The following TBC1D12 variants were observed in gnomAD, a reference collection of about 807,000 sequenced individuals.
TBC1D12 encodes the protein TBC1 domain family, member 12.
A neutral mutation model predicts 86.7 loss-of-function variants in TBC1D12; 56 were observed. The observed-to-expected ratio is 0.65, with a 90% CI of 0.52 to 0.81. TBC1D12 has a LOEUF of 0.81. Ranked by LOEUF, TBC1D12 falls within the 30% of genes least tolerant of loss-of-function variation. The pLI is 0.00. For missense variants in TBC1D12, 1,023 were observed against 1,038.8 expected (o/e 0.98, Z 0.21); for synonymous variants, 421 against 411.7 (o/e 1.02, Z -0.27).
chr10:94,532,361 T>C (rs912098198), intron 12 of TBC1D12, among the ~76,000 whole-genome samples: 2 of 152,066 alleles, frequency 1.3e-5, no homozygotes, highest in African/African-American at 4.8e-5. Context: ...GTATTTTTAG[T>C]AGAGACGGGG....
intron 2 of TBC1D12, among the ~76,000 whole-genome samples, chr10:94,471,063 G>A (rs763967885): frequency 5.3e-5 from 8 of 152,010 alleles, no homozygotes; most frequent in African/African-American, 9.7e-5. Context: ...ATCATCTGAG[G>A]TCAGGGGTTC....
intron 2 of TBC1D12, among the ~76,000 whole-genome samples, chr10:94,443,232 C>T (rs111351486): frequency 9.1e-4 from 139 of 152,282 alleles, no homozygotes; most frequent in African/African-American, 3.2e-3. Flanking sequence ...CCTCCCTTTC[C>T]CTTTTGAAGG....
chr10:94,441,793 A>G, intron 1 of TBC1D12, 103 bp from the exon 2 acceptor site: 2 of 1,131,584 alleles, frequency 1.8e-6, no homozygotes, highest in Non-Finnish European at 2.5e-6. Flanking sequence ...TTTATTTAAA[A>G]GTATTTTTGT....
intron 9 of TBC1D12, among the ~76,000 whole-genome samples, chr10:94,516,227 A>C (rs2056589465): frequency 6.6e-6 from 1 of 152,170 alleles, no homozygotes; most frequent in Admixed American, 6.5e-5. Flanking sequence ...CAAATATATA[A>C]ATTAATTAAA....
At chr10:94,422,193 T>G (rs893152753) in intron 1 of TBC1D12, among the ~76,000 whole-genome samples, 3 of 147,186 alleles carry the variant, frequency 2.0e-5, no homozygotes, top group Non-Finnish European at 4.5e-5. Context: ...TAGTTTTTTT[T>G]TTTTTTTTTT....
intron 3 of TBC1D12, among the ~76,000 whole-genome samples, chr10:94,487,313 T>C (rs2056179028): frequency 6.6e-6 from 1 of 151,730 alleles, no homozygotes; most frequent in Non-Finnish European, 1.5e-5. Context: ...CCATTTACAT[T>C]CAGTGTTATT....
chr10:94,487,970 A>T (rs1382631509), intron 3 of TBC1D12, among the ~76,000 whole-genome samples: 2 of 151,806 alleles, frequency 1.3e-5, no homozygotes, highest in South Asian at 2.1e-4. Context: ...AAGTGCTGGG[A>T]TTATAGATGG....
chr10:94,454,203 C>G (rs1415754553), intron 2 of TBC1D12, among the ~76,000 whole-genome samples: 2 of 151,990 alleles, frequency 1.3e-5, no homozygotes, highest in Non-Finnish European at 2.9e-5. Flanking sequence ...TTGAGAAAAG[C>G]TGACATCTAA....
At chr10:94,452,882 A>C (rs2055572526) in intron 2 of TBC1D12, among the ~76,000 whole-genome samples, 1 of 152,198 alleles carries the variant, frequency 6.6e-6, no homozygotes, top group Non-Finnish European at 1.5e-5. Flanking sequence ...TGGTTGTACC[A>C]TTGTGCATTT....
intron 2 of TBC1D12, among the ~76,000 whole-genome samples, chr10:94,467,302 A>G (rs2055838812): frequency 6.6e-6 from 1 of 151,982 alleles, no homozygotes; most frequent in Non-Finnish European, 1.5e-5. Flanking sequence ...GCGCTATCTC[A>G]GCTCACTGCA....
In TBC1D12 at chr10:94,402,739, C is replaced by T. The variant is rs578007960; in HGVS notation, c.126C>T (p.Gly42=). 1.2e-4 allele frequency: 185 copies of T among 1,558,270 alleles called. 1 individual carries two copies. The East Asian group carries it at 4.0e-3, about 33-fold the overall frequency. Residue 42 remains glycine (G), a synonymous_variant, in exon 1 of 13, where the codon GGC becomes GGT. Transcript: ENST00000225235. The part of the protein sequence containing the change: ...VIRATGGFGG[G]VGAVEPPEEA... ...GGGCCACGGGCGGCTTTGGCGGAGG[C>T]GTCGGCGCTGTGGAGCCGCCGGAGG...
At chr10:94,486,136 CTTCTTT>C (rs1326423097) in intron 3 of TBC1D12, among the ~76,000 whole-genome samples, 7 of 120,874 alleles carry the variant, frequency 5.8e-5, no homozygotes, top group East Asian at 2.8e-4. Context: ...TCTTCTTCTT[CTTCTTT>C]TTTTTTTTTT....
At chr10:94,465,670 A>ATATGTGTGTG (rs1473804309) in intron 2 of TBC1D12, among the ~76,000 whole-genome samples, 1,818 of 137,886 alleles carry the variant, frequency 0.013, 27 homozygotes, top group Non-Finnish European at 0.02. Context: ...ATATATATAT[A>ATATGTGTGTG]TGTGTGTGTG....
chr10:94,433,676 C>T (rs1406723739), intron 1 of TBC1D12, among the ~76,000 whole-genome samples: 2 of 152,164 alleles, frequency 1.3e-5, no homozygotes, highest in African/African-American at 4.8e-5. Context: ...GTAGTTATTA[C>T]TTTCCTTTGG....
At chr10:94,513,617 G>A (rs969083689) in intron 9 of TBC1D12, among the ~76,000 whole-genome samples, 72 of 151,926 alleles carry the variant, frequency 4.7e-4, no homozygotes, top group African/African-American at 1.7e-3. Context: ...GTACAATGGC[G>A]TGATCATGAC....
intron 3 of TBC1D12, among the ~76,000 whole-genome samples, chr10:94,480,404 C>T (rs963949033): frequency 2.6e-5 from 4 of 152,066 alleles, no homozygotes; most frequent in African/African-American, 9.7e-5. Context: ...CACTTTTCTG[C>T]TTATATAGAT....
Position 94,402,715 on chromosome 10 carries a change from G to C in TBC1D12, c.102G>C (p.Arg34=), listed in dbSNP as rs778535105. ...TGGGCCAGGACAGGAAGGTAATCCG[G>C]GCCACGGGCGGCTTTGGCGGAGGCG... ...DPVGQDRKVI[R]ATGGFGGGVG... is the part of the protein sequence containing the mutation. The change falls in exon 1 of 13, where the codon CGG becomes CGC. Residue 34 remains arginine (R), a synonymous_variant. Transcript: ENST00000225235. The C allele has an allele frequency of 1.3e-6, 2 of 1,578,080 alleles. No individual in the cohort carries two copies. The highest frequency in any genetic ancestry group is 1.8e-5 in the Admixed American group (1 of 55,396).
chr10:94,475,483 T>C (rs1309614842), intron 3 of TBC1D12, among the ~76,000 whole-genome samples: 2 of 152,186 alleles, frequency 1.3e-5, no homozygotes, highest in East Asian at 3.8e-4. Context: ...CAGGCTGGAG[T>C]GTAATGGTGC....
chr10:94,494,943 C>A (rs2056295750), intron 4 of TBC1D12, among the ~76,000 whole-genome samples: 1 of 151,996 alleles, frequency 6.6e-6, no homozygotes, highest in South Asian at 2.1e-4. Context: ...CTCACTGCAG[C>A]CTCGAATTCC....
Sources: allele counts gnomAD v4.1 joint callset (sites outside exome capture counted in the v4.1 genomes callset), GRCh38; gene constraint gnomAD v4.1.1; transcripts MANE v1.5; gene names NCBI Gene and HGNC (gene_info 2026-07-23, HGNC 2026-07-21).